Variants in RANBP17 observed in about 807,000 individuals in gnomAD.
RANBP17 encodes ran-binding protein 17.
RANBP17 carries 158 observed loss-of-function variants against 141.2 expected under a neutral mutation model. The ratio of observed to expected loss-of-function variants is 1.12; its 90% CI spans 0.98 to 1.28. The LOEUF (loss-of-function observed/expected upper bound fraction) is 1.28. Among genes scored for constraint, RANBP17 ranks in the 50% most tolerant of loss-of-function variants. The probability of loss-of-function intolerance (pLI) is 0.00; values close to 1 mark genes in which losing one functional copy is unlikely to be tolerated. For missense variants in RANBP17, 1,438 were observed against 1,290.7 expected (o/e 1.11, Z -1.75); for synonymous variants, 430 against 450.0 (o/e 0.96, Z 0.56).
chr5:171,123,353 A>C (rs1756185560), intron 14 of RANBP17, among the ~76,000 whole-genome samples: 1 of 152,206 alleles, frequency 6.6e-6, no homozygotes, highest in Non-Finnish European at 1.5e-5. Context: ...TGTACACCAG[A>C]TGCCAGCACC....
intron 12 of RANBP17, among the ~76,000 whole-genome samples, chr5:170,936,116 G>T (rs1773852703): frequency 1.3e-5 from 2 of 152,176 alleles, no homozygotes; most frequent in Admixed American, 1.3e-4. Flanking sequence ...ATAATCTCCT[G>T]GTGTGCCGTC....
intron 1 of RANBP17, chr5:170,863,661 G>A (rs973236101): frequency 6.6e-6 from 1 of 152,128 alleles, no homozygotes; most frequent in Non-Finnish European, 1.5e-5. Flanking sequence ...CAGAGCCCGA[G>A]TAAATCTTGA....
chr5:171,215,799 A>G (rs2127975311), intron 21 of RANBP17, among the ~76,000 whole-genome samples: 1 of 151,840 alleles, frequency 6.6e-6, no homozygotes, highest in Non-Finnish European at 1.5e-5. Context: ...TAGATTCTGG[A>G]TATTAGACCA....
Position 171,215,820 on chromosome 5 carries a change from A to G in RANBP17, c.2339+2082A>G, listed in dbSNP as rs147997605. Among the ~76,000 whole-genome samples the G allele has an allele frequency of 6.9e-3, 1,051 of 152,098 alleles. 15 individuals are homozygous for G. The highest frequency in any genetic ancestry group is 0.039 in the South Asian group (189 of 4,802). The stretch of plus-strand genomic sequence containing the variant: ...CTGGATATTAGACCATTGTCAGATG[A>G]GTAGCTTGCAAAAATTTTCTCCCAT... On this transcript the variant is annotated intron_variant, in intron 21 of 27. Transcript: ENST00000523189.
intron 16 of RANBP17, among the ~76,000 whole-genome samples, chr5:171,173,484 A>G (rs1199650341): frequency 2.6e-5 from 4 of 152,064 alleles, no homozygotes; most frequent in Non-Finnish European, 1.5e-5. Flanking sequence ...CTTTATTTAT[A>G]GTACATGTCT....
At chr5:171,053,097 G>A (rs1401771781) in intron 14 of RANBP17, among the ~76,000 whole-genome samples, 1 of 152,164 alleles carries the variant, frequency 6.6e-6, no homozygotes, top group Non-Finnish European at 1.5e-5. Context: ...TGGGATTACA[G>A]GCGTGAGCCA....
chr5:171,004,332 G>A (rs1395361506), intron 14 of RANBP17, among the ~76,000 whole-genome samples: 1 of 152,068 alleles, frequency 6.6e-6, no homozygotes, highest in African/African-American at 2.4e-5. Flanking sequence ...GAATAATCAG[G>A]GAAGCAGATA....
chr5:170,879,788 T>TA lies in RANBP17; in HGVS notation c.165+1546dup, dbSNP rs1247127770. Among the ~76,000 whole-genome samples the TA allele has an allele frequency of 2.0e-5, 3 of 152,122 alleles. No homozygotes were observed. The East Asian group carries it at 5.8e-4, about 29-fold the overall frequency. ...ACTTATCACTGATAAGCTATTAAACTATTGTGTGAGGAGACAAGTAAGGAT... is the reference window on the plus strand; with the variant it reads ...ACTTATCACTGATAAGCTATTAAACTAATTGTGTGAGGAGACAAGTAAGGAT... On this transcript the variant is annotated intron_variant, in intron 2 of 27. Coordinates refer to ENST00000523189, the MANE Select transcript of RANBP17 (RefSeq NM_022897.5).
chr5:171,098,677 A>G (rs920364753), intron 14 of RANBP17, among the ~76,000 whole-genome samples: 4 of 151,992 alleles, frequency 2.6e-5, no homozygotes, highest in African/African-American at 4.8e-5. Context: ...TTTTGTTGCA[A>G]TTGCTTTTGG....
chr5:171,150,202 T>G (rs1758373037), intron 14 of RANBP17, among the ~76,000 whole-genome samples: 1 of 152,178 alleles, frequency 6.6e-6, no homozygotes, highest in Non-Finnish European at 1.5e-5. Flanking sequence ...AAACTTTGTG[T>G]TTTTAGGGTA....
At chr5:171,156,073 A>G (rs1040421696) in intron 14 of RANBP17, among the ~76,000 whole-genome samples, 1 of 152,126 alleles carries the variant, frequency 6.6e-6, no homozygotes, top group Non-Finnish European at 1.5e-5. Flanking sequence ...TTTAAAAGCA[A>G]TTCTTATGGA....
At position 171,201,070 on chromosome 5, in the gene RANBP17, A is replaced by G. The variant is rs554176263; in HGVS notation, c.2142+1297A>G. Among the ~76,000 whole-genome samples the G allele has an allele frequency of 6.6e-5, 10 of 152,338 alleles. No homozygotes were observed. The East Asian group carries it at 1.3e-3, about 21-fold the overall frequency. On this transcript the variant is annotated intron_variant, in intron 19 of 27. Transcript: ENST00000523189. ...AGTGAAGTTGAAAAACATCATCTTTATGAAAATTACATCTGTCTCATCTGA... is the reference window on the plus strand; with the variant it reads ...AGTGAAGTTGAAAAACATCATCTTTGTGAAAATTACATCTGTCTCATCTGA...
rs144067753 is a variant in RANBP17, at chr5:171,100,033, G to A, written c.1711-70097G>A. On this transcript the variant is annotated intron_variant, in intron 14 of 27. Coordinates refer to ENST00000523189, the MANE Select transcript of RANBP17 (RefSeq NM_022897.5). ...TATTCTATTGAGGATTTTTCGCATC[G>A]ATGTTCATCAGGGTTATTGGCCTGA... 3.9e-5 allele frequency among the ~76,000 whole-genome samples: 6 copies of A among 152,218 alleles called. No homozygotes were observed. The East Asian group carries it at 1.2e-3, about 29-fold the overall frequency.
intron 14 of RANBP17, among the ~76,000 whole-genome samples, chr5:171,083,280 T>A (rs1470444174): frequency 6.6e-6 from 1 of 152,092 alleles, no homozygotes; most frequent in Non-Finnish European, 1.5e-5. Flanking sequence ...GGAACCTTCA[T>A]GAAAGACATA....
At chr5:170,985,820 G>GA (rs1017159273) in intron 14 of RANBP17, among the ~76,000 whole-genome samples, 3 of 152,132 alleles carry the variant, frequency 2.0e-5, no homozygotes, top group Admixed American at 6.6e-5. Context: ...AAAGTGAAGT[G>GA]AAAAAATCAG....
At chr5:171,054,881 T>C (rs1017672844) in intron 14 of RANBP17, among the ~76,000 whole-genome samples, 1 of 152,152 alleles carries the variant, frequency 6.6e-6, no homozygotes, top group Non-Finnish European at 1.5e-5. Flanking sequence ...GGTGATGATA[T>C]ACATGTCTAA....
chr5:171,213,589 A>G (rs1763037039), intron 20 of RANBP17, 42 bp from the exon 21 acceptor site: 4 of 1,390,654 alleles, frequency 2.9e-6, no homozygotes, highest in Non-Finnish European at 4.1e-6. Flanking sequence ...CAGAAACAGT[A>G]TTTCTTTAGA....
At chr5:171,191,186 T>C (rs1761607554) in intron 18 of RANBP17, among the ~76,000 whole-genome samples, 1 of 152,166 alleles carries the variant, frequency 6.6e-6, no homozygotes, top group South Asian at 2.1e-4. Flanking sequence ...GAATGACGAA[T>C]GACTTGAATA....
chr5:170,896,000 A>G (rs1306081668), intron 4 of RANBP17, 50 bp from the exon 5 acceptor site: 2 of 1,138,466 alleles, frequency 1.8e-6, no homozygotes, highest in Non-Finnish European at 2.6e-6. Context: ...ATACATTAAG[A>G]ACCAATCACT....
Sources: gnomAD v4.1 joint callset for allele counts (sites outside exome capture counted in the v4.1 genomes callset) on GRCh38, gnomAD v4.1.1 for gene constraint, MANE v1.5 for transcripts, NCBI Gene and HGNC (gene_info 2026-07-23, HGNC 2026-07-21) for gene names.